Variants in PLN observed in about 807,000 individuals in gnomAD.
The protein encoded by PLN is phospholamban.
A neutral mutation model predicts 3.9 loss-of-function variants in PLN; 1 was observed. The observed-to-expected ratio is 0.26, with a 90% CI of 0.09 to 1.23. PLN has a LOEUF of 1.23. Among genes scored for constraint, PLN ranks in the 50% most tolerant of loss-of-function variants. PLN has a pLI of 0.48. For missense variants in PLN, 59 were observed against 62.7 expected (o/e 0.94, Z 0.20); for synonymous variants, 21 against 20.5 (o/e 1.02, Z -0.07).
intron 1 of PLN, among the ~76,000 whole-genome samples, chr6:118,555,874 T>C (rs1355541722): frequency 6.6e-6 from 1 of 152,174 alleles, no homozygotes; most frequent in Non-Finnish European, 1.5e-5. Context: ...ATCATCTTGC[T>C]CCCACCTGTA....
At chr6:118,555,675 T>TG (rs1438356854) in intron 1 of PLN, among the ~76,000 whole-genome samples, 1 of 152,168 alleles carries the variant, frequency 6.6e-6, no homozygotes, top group Non-Finnish European at 1.5e-5. Context: ...GTTTTAAGTT[T>TG]GGGGGTATGT....
intron 1 of PLN, among the ~76,000 whole-genome samples, chr6:118,557,099 C>T (rs1778924087): frequency 6.6e-6 from 1 of 152,110 alleles, no homozygotes. Flanking sequence ...CAGTACTTAA[C>T]ATCAAATCTT....
Position 118,558,917 on chromosome 6 carries a change from G to C in PLN, c.-5G>C. The C allele has an allele frequency of 6.2e-7, 1 of 1,612,954 alleles. No individual in the cohort carries two copies. Among genetic ancestry groups the C allele is most frequent in the Non-Finnish European group, 8.5e-7 (1 of 1,179,088 alleles). On this transcript the variant is annotated 5_prime_UTR_variant, in exon 2 of 2. Coordinates refer to ENST00000357525, the MANE Select transcript of PLN (RefSeq NM_002667.5). ...AAACTTCAGACTTCCTGTCCTGCTG[G>C]TATCATGGAGAAAGTCCAATACCTC... is the stretch of plus-strand genomic sequence containing the variant.
chr6:118,553,076 C>T (rs902211848), intron 1 of PLN, among the ~76,000 whole-genome samples: 1 of 152,024 alleles, frequency 6.6e-6, no homozygotes, highest in African/African-American at 2.4e-5. Context: ...TATACAAGTT[C>T]AGAAAATCCC....
At chr6:118,558,748 A>G (rs537693168) in intron 1 of PLN, 77 bp from the exon 2 acceptor site, 2 of 647,802 alleles carry the variant, frequency 3.1e-6, no homozygotes, top group Non-Finnish European at 5.5e-6. Flanking sequence ...AAGATGAATT[A>G]GTGTAAAATT....
intron 1 of PLN, among the ~76,000 whole-genome samples, chr6:118,548,855 C>A (rs1300952308): frequency 6.6e-6 from 1 of 151,962 alleles, no homozygotes; most frequent in Non-Finnish European, 1.5e-5. Flanking sequence ...CTACAACATG[C>A]ACATTATCAG....
rs986620155 is a variant in PLN at position 118,560,019 on chromosome 6, C to T, written c.*939C>T. On this transcript the variant is annotated 3_prime_UTR_variant, in exon 2 of 2. Coordinates refer to ENST00000357525, the MANE Select transcript of PLN (RefSeq NM_002667.5). Reference sequence around the variant, plus strand: ...CAGGTTGTCTTCCATTCCAGCCTAACATCCAATGCAGGCAAGGAAAATAAA... The same window carrying T: ...CAGGTTGTCTTCCATTCCAGCCTAATATCCAATGCAGGCAAGGAAAATAAA... The T allele has an allele frequency of 1.2e-5, 2 of 167,072 alleles. No homozygotes were observed. The highest frequency in any genetic ancestry group is 2.9e-5 in the Non-Finnish European group (2 of 68,112). 10.3% of individuals were successfully genotyped at this position (167,072 alleles called of 1,614,324 possible).
In PLN at chr6:118,559,194, T is replaced by C. The variant is rs1779084982; in HGVS notation, c.*114T>C. ...AGACCACTTCCTGAGTAGAAGAGTT[T>C]CTTTGTGAAAAGGTCAAGATTAAGA... On this transcript the variant is annotated 3_prime_UTR_variant, in exon 2 of 2. Coordinates refer to ENST00000357525, the MANE Select transcript of PLN (RefSeq NM_002667.5). 2.4e-6 allele frequency: 2 copies of C among 837,890 alleles called. No homozygotes were observed. Among genetic ancestry groups the C allele is most frequent in the Admixed American group, 3.4e-5 (2 of 58,508 alleles). The allele number at this position is 837,890 out of a possible 1,614,324, so 51.9% of individuals were successfully genotyped here.
In PLN at chr6:118,561,235, C is replaced by T. The variant is rs60113535; in HGVS notation, c.*2155C>T. On this transcript the variant is annotated 3_prime_UTR_variant, in exon 2 of 2. Coordinates refer to ENST00000357525, the MANE Select transcript of PLN (RefSeq NM_002667.5). ...TTATAAACAACAGGTGATACACTCA[C>T]CTCACTGGTTTTAGTAAATTACCAA... Among the ~76,000 whole-genome samples the T allele has an allele frequency of 5.4e-3, 825 of 152,260 alleles. 8 individuals carry two copies. Among genetic ancestry groups the T allele is most frequent in the African/African-American group, 0.019 (785 of 41,548 alleles).
intron 1 of PLN, among the ~76,000 whole-genome samples, 199 bp from the exon 2 acceptor site, chr6:118,558,626 T>TACACACACACACACACACACAC (rs371775061): frequency 9.0e-6 from 1 of 111,604 alleles, no homozygotes; most frequent in Non-Finnish European, 1.9e-5. Flanking sequence ...CACGTGCACA[T>TACACACACACACACACACACAC]ACACACACAC....
At chr6:118,553,534 C>T (rs139156134) in intron 1 of PLN, among the ~76,000 whole-genome samples, 7 of 152,030 alleles carry the variant, frequency 4.6e-5, no homozygotes, top group Admixed American at 6.6e-5. Flanking sequence ...AACATTTTAG[C>T]GTGTAAAGCA....
At chr6:118,556,181 G>T (rs1469340211) in intron 1 of PLN, among the ~76,000 whole-genome samples, 6 of 152,160 alleles carry the variant, frequency 3.9e-5, no homozygotes, top group African/African-American at 1.4e-4. Flanking sequence ...TGGGATTGTT[G>T]GGTCGAATGG....
At chr6:118,555,987 T>C (rs938177629) in intron 1 of PLN, among the ~76,000 whole-genome samples, 7 of 152,242 alleles carry the variant, frequency 4.6e-5, no homozygotes, top group African/African-American at 1.2e-4. Flanking sequence ...GATATCATTC[T>C]TTTTTATGGC....
chr6:118,553,344 T>C (rs746635770), intron 1 of PLN, among the ~76,000 whole-genome samples: 2 of 152,144 alleles, frequency 1.3e-5, no homozygotes, highest in African/African-American at 2.4e-5. Flanking sequence ...AATAGGATTC[T>C]GCTGTTCCCA....
At chr6:118,552,902 A>G in intron 1 of PLN, among the ~76,000 whole-genome samples, 1 of 152,166 alleles carries the variant, frequency 6.6e-6, no homozygotes, top group South Asian at 2.1e-4. Context: ...AGCACCTTTC[A>G]TGTTTTCAAT....
chr6:118,556,367 T>C (rs1196469286), intron 1 of PLN, among the ~76,000 whole-genome samples: 1 of 152,210 alleles, frequency 6.6e-6, no homozygotes, highest in Non-Finnish European at 1.5e-5. Context: ...AACTCCTTGC[T>C]ACAGACCAAT....
rs1447429324 is a variant in PLN, at chr6:118,560,802, TG to T, written c.*1724del. 1.9e-5 allele frequency: 3 copies of T among 155,276 alleles called. No homozygotes were observed. The highest frequency in any genetic ancestry group is 7.2e-5 in the African/African-American group (3 of 41,460). The allele number at this position is 155,276 out of a possible 1,614,324, so 9.6% of individuals were successfully genotyped here. ...AAACAACTGAAGTAAAATTGAGTGC[TG>T]GAAAATATATTCACCAAACTTTGGT... On this transcript the variant is annotated 3_prime_UTR_variant, in exon 2 of 2. Coordinates refer to ENST00000357525, the MANE Select transcript of PLN (RefSeq NM_002667.5).
intron 1 of PLN, among the ~76,000 whole-genome samples, chr6:118,554,290 T>G (rs1039996839): frequency 1.3e-5 from 2 of 151,968 alleles, no homozygotes; most frequent in East Asian, 1.9e-4. Flanking sequence ...CTGTCAGTCA[T>G]TCATTCATCC....
In PLN at chr6:118,559,054, A is replaced by C; in HGVS notation, c.133A>C (p.Ile45Leu). The change falls in exon 2 of 2, where the codon ATC becomes CTC. Residue 45 changes from isoleucine (I) to leucine (L), a missense_variant. Ile to Leu is a conservative substitution (Grantham distance 5). Transcript: ENST00000357525. ...FCLILICLLL[I>L]CIIVMLL Reference sequence around the variant, plus strand: ...TCTCATCTTAATATGTCTCTTGCTGATCTGTATCATCGTGATGCTTCTCTG... The same window carrying C: ...TCTCATCTTAATATGTCTCTTGCTGCTCTGTATCATCGTGATGCTTCTCTG... 6.2e-7 allele frequency: 1 copy of C among 1,611,848 alleles called. No homozygotes were observed. Among genetic ancestry groups the C allele is most frequent in the Non-Finnish European group, 8.5e-7 (1 of 1,177,900 alleles).
Sources: allele counts gnomAD v4.1 joint callset (sites outside exome capture counted in the v4.1 genomes callset), GRCh38; gene constraint gnomAD v4.1.1; transcripts MANE v1.5; gene names NCBI Gene and HGNC (gene_info 2026-07-23, HGNC 2026-07-21).